CPNE8: variants seen among roughly 807,000 people sequenced by gnomAD.
CPNE8 encodes the protein copine 8.
Under a neutral mutation model 81.5 loss-of-function variants are expected in CPNE8, and 45 were observed. The observed-to-expected ratio is 0.55, with a 90% CI of 0.44 to 0.71. The LOEUF (loss-of-function observed/expected upper bound fraction) is 0.71, where lower values mean the gene tolerates loss of function less well. Ranked by LOEUF, CPNE8 falls within the 30% of genes least tolerant of loss-of-function variation. CPNE8 has a pLI of 0.00. For synonymous variants in CPNE8, 252 were observed against 226.3 expected (o/e 1.11, Z -1.02); for missense variants, 594 against 672.1 (o/e 0.88, Z 1.28).
At chr12:38,685,732 A>T in intron 15 of CPNE8, 115 bp from the exon 16 acceptor site, 1 of 1,021,562 alleles carries the variant, frequency 9.8e-7, no homozygotes, top group East Asian at 2.6e-5. Context: ...TTTTTGAGGA[A>T]CTCTTATTCA....
At chr12:38,837,188 AT>A (rs1943396573) in intron 5 of CPNE8, among the ~76,000 whole-genome samples, 1 of 152,110 alleles carries the variant, frequency 6.6e-6, no homozygotes, top group Non-Finnish European at 1.5e-5. Context: ...AAAGAGAAGC[AT>A]TTTTTTGTTA....
chr12:38,784,645 C>T (rs1055170372), intron 6 of CPNE8, among the ~76,000 whole-genome samples: 1 of 152,024 alleles, frequency 6.6e-6, no homozygotes, highest in Admixed American at 6.6e-5. Flanking sequence ...AAACAAACAC[C>T]ACACAAAGTG....
intron 6 of CPNE8, among the ~76,000 whole-genome samples, chr12:38,780,195 T>C (rs1242836482): frequency 6.6e-6 from 1 of 152,124 alleles, no homozygotes; most frequent in Non-Finnish European, 1.5e-5. Flanking sequence ...GTCCTCCTGG[T>C]TCCCTTGTAA....
intron 7 of CPNE8, among the ~76,000 whole-genome samples, chr12:38,773,522 C>T (rs1422845081): frequency 6.6e-6 from 1 of 152,010 alleles, no homozygotes; most frequent in Non-Finnish European, 1.5e-5. Flanking sequence ...TTTACAAATG[C>T]ATAACTTAAA....
chr12:38,675,225 A>T (rs1238685361), intron 18 of CPNE8, among the ~76,000 whole-genome samples: 1 of 152,182 alleles, frequency 6.6e-6, no homozygotes. Context: ...TTCTTTATTT[A>T]TAAGGCTAAT....
intron 13 of CPNE8, among the ~76,000 whole-genome samples, chr12:38,717,039 G>A (rs1940411352): frequency 6.6e-6 from 1 of 152,000 alleles, no homozygotes; most frequent in South Asian, 2.1e-4. Flanking sequence ...ATGAAAAAAT[G>A]CTCAACATCA....
intron 19 of CPNE8, among the ~76,000 whole-genome samples, chr12:38,662,147 C>A (rs1938973272): frequency 6.6e-6 from 1 of 152,112 alleles, no homozygotes; most frequent in East Asian, 1.9e-4. Flanking sequence ...CACTGGAAGT[C>A]CTAGCCAGAG....
At position 38,718,322 on chromosome 12, in the gene CPNE8, T is replaced by G. The variant is rs1940460938; in HGVS notation, c.914+5450A>C. On this transcript the variant is annotated intron_variant, in intron 13 of 19. Coordinates refer to ENST00000331366, the MANE Select transcript of CPNE8 (RefSeq NM_153634.3). The stretch of plus-strand genomic sequence containing the variant: ...AAAGGAATATAGCTCCAAACTACCT[T>G]TCTGTGTTTTTTCTTTAGTTGAAAA... 1.3e-5 allele frequency among the ~76,000 whole-genome samples: 2 copies of G among 152,200 alleles called. 1 individual carries two copies. The highest frequency in any genetic ancestry group is 4.8e-5 in the African/African-American group (2 of 41,456).
intron 10 of CPNE8, among the ~76,000 whole-genome samples, chr12:38,741,809 C>G (rs1452906251): frequency 6.6e-5 from 8 of 121,456 alleles, no homozygotes; most frequent in Non-Finnish European, 1.3e-4. Context: ...CTACAAAGAA[C>G]TCAAACAAAT....
intron 8 of CPNE8, among the ~76,000 whole-genome samples, chr12:38,766,613 CTG>C (rs565321487): frequency 4.3e-4 from 66 of 152,234 alleles, no homozygotes; most frequent in African/African-American, 1.4e-3. Flanking sequence ...GAATAGCAAA[CTG>C]TCTATATTAT....
Position 38,723,795 on chromosome 12 carries a change from T to A in CPNE8, c.891A>T (p.Ser297=). The A allele has an allele frequency of 6.3e-7, 1 of 1,588,870 alleles. No homozygotes were observed. The highest frequency in any genetic ancestry group is 8.6e-7 in the Non-Finnish European group (1 of 1,159,678). The stretch of plus-strand genomic sequence containing the variant: ...ACCCTCCCTTAATGTAGTCAAGGAA[T>A]GAAACTTCTGTTTCTACCAAGAAAG... The part of the protein sequence containing the change: ...LLSFLVETEV[S]FLDYIKGGTQ... Residue 297 remains serine (S), a synonymous_variant, in exon 13 of 20, where the codon TCA becomes TCT. Transcript: ENST00000331366.
intron 13 of CPNE8, chr12:38,720,917 T>C (rs1380249301): frequency 1.3e-5 from 2 of 152,596 alleles, no homozygotes; most frequent in African/African-American, 4.8e-5. Context: ...CCCTCGCATT[T>C]CCCCACACAG....
rs1298804540 is a variant in CPNE8 at position 38,776,220 on chromosome 12, A to G, written c.471+18T>C. The G allele has an allele frequency of 7.0e-7, 1 of 1,426,838 alleles. No individual in the cohort carries two copies. Among genetic ancestry groups the G allele is most frequent in the Admixed American group, 1.9e-5 (1 of 53,258 alleles). The allele number at this position is 1,426,838 out of a possible 1,614,324, so 88.4% of individuals were successfully genotyped here. On this transcript the variant is annotated intron_variant, in intron 7 of 19. Coordinates refer to ENST00000331366, the MANE Select transcript of CPNE8 (RefSeq NM_153634.3). ...GAAGTATGGAAGTATTTTCTAAACC[A>G]AAGAAATATTTACTTACCCTGCAAC...
chr12:38,780,459 A>G (rs1942026649), intron 6 of CPNE8, among the ~76,000 whole-genome samples: 1 of 152,102 alleles, frequency 6.6e-6, no homozygotes, highest in Non-Finnish European at 1.5e-5. Context: ...AACTTCTAGA[A>G]ATGGTGAACC....
chr12:38,890,382 T>A (rs377428550), intron 1 of CPNE8, among the ~76,000 whole-genome samples: 2 of 151,838 alleles, frequency 1.3e-5, no homozygotes, highest in South Asian at 4.1e-4. Flanking sequence ...GATTTATGGA[T>A]AGTGACTTGA....
At chr12:38,764,586 C>CAA (rs747589343) in intron 8 of CPNE8, among the ~76,000 whole-genome samples, 298 of 126,708 alleles carry the variant, frequency 2.4e-3, no homozygotes, top group Middle Eastern at 5.0e-3. Context: ...CACTGCACTC[C>CAA]AGCCTGGGCG....
At chr12:38,670,826 T>TA (rs767131864) in intron 18 of CPNE8, 24 bp from the exon 19 acceptor site, 9 of 1,555,808 alleles carry the variant, frequency 5.8e-6, no homozygotes, top group Non-Finnish European at 7.9e-6. Flanking sequence ...TATGATCATT[T>TA]ATTCAGTACA....
At chr12:38,905,359 G>A in intron 1 of CPNE8, 78 bp downstream of exon 1, 1 of 1,484,822 alleles carries the variant, frequency 6.7e-7, no homozygotes, top group African/African-American at 1.4e-5. Flanking sequence ...AAAGCCTCGT[G>A]GTACCCCGAG....
chr12:38,839,373 T>C (rs1042640023), intron 5 of CPNE8, among the ~76,000 whole-genome samples: 1 of 151,944 alleles, frequency 6.6e-6, no homozygotes, highest in Admixed American at 6.6e-5. Context: ...AAAAGAGGAA[T>C]AGACCAAAGG....
Sources: gnomAD v4.1 joint callset for allele counts (sites outside exome capture counted in the v4.1 genomes callset) on GRCh38, gnomAD v4.1.1 for gene constraint, MANE v1.5 for transcripts, NCBI Gene and HGNC (gene_info 2026-07-23, HGNC 2026-07-21) for gene names.